Variants in MINDY4 observed in about 807,000 individuals in gnomAD.
MINDY4 encodes the protein MINDY lysine 48 deubiquitinase 4.
MINDY4 carries 68 observed loss-of-function variants against 87.0 expected under a neutral mutation model. The ratio of observed to expected loss-of-function variants is 0.78; its 90% CI spans 0.64 to 0.96. The LOEUF (loss-of-function observed/expected upper bound fraction) is 0.96. Among genes scored for constraint, MINDY4 ranks in the 40% least tolerant of loss-of-function variants. The probability of loss-of-function intolerance (pLI) is 0.00; values close to 1 mark genes in which losing one functional copy is unlikely to be tolerated. For missense variants in MINDY4, 919 were observed against 928.2 expected, an observed-to-expected ratio of 0.99 and a Z score of 0.13; for synonymous variants, 379 against 363.2, an observed-to-expected ratio of 1.04 and a Z score of -0.50.
chr7:30,771,893 C>T (rs1007981440), intron 1 of MINDY4, among the ~76,000 whole-genome samples: 1 of 152,234 alleles, frequency 6.6e-6, no homozygotes, highest in East Asian at 1.9e-4. Context: ...GCGGGCAGGC[C>T]TGCGCCCTAG....
At chr7:30,861,910 C>T (rs867434931) in intron 13 of MINDY4, among the ~76,000 whole-genome samples, 34 of 152,220 alleles carry the variant, frequency 2.2e-4, no homozygotes, top group Non-Finnish European at 1.9e-4. Context: ...CCAGAGCAAC[C>T]GAGAGCATCT....
At chr7:30,843,619 G>T (rs966625489) in intron 9 of MINDY4, among the ~76,000 whole-genome samples, 1 of 138,606 alleles carries the variant, frequency 7.2e-6, no homozygotes, top group Non-Finnish European at 1.5e-5. Flanking sequence ...ACATCCATGG[G>T]GTGGAAGCCC....
rs1787019398 is a variant in MINDY4, at chr7:30,781,974, T to G, written c.184-3T>G. 4 of 1,607,652 alleles carry G rather than the reference T, an allele frequency of 2.5e-6. No homozygotes were observed. The highest frequency in any genetic ancestry group is 3.4e-6 in the Non-Finnish European group (4 of 1,175,548). ...ATGATTTTTTTTTCTCTCCCAATGA[T>G]AGGCAAAGGAAAATCCTCTAAAAAC... On this transcript the variant is annotated splice_polypyrimidine_tract_variant and splice_region_variant and intron_variant, in intron 2 of 17. Transcript: ENST00000265299.
At chr7:30,792,568 T>A (rs911039730) in intron 5 of MINDY4, among the ~76,000 whole-genome samples, 9 of 152,340 alleles carry the variant, frequency 5.9e-5, no homozygotes, top group Non-Finnish European at 1.0e-4. Context: ...ACTTTCTTCT[T>A]GTGTAAGTTT....
At chr7:30,785,072 TC>T (rs1787118306) in intron 3 of MINDY4, among the ~76,000 whole-genome samples, 1 of 114,202 alleles carries the variant, frequency 8.8e-6, no homozygotes, top group Non-Finnish European at 1.9e-5. Context: ...TCTCTTGCCT[TC>T]TTTTTTTTTT....
At chr7:30,790,594 C>T (rs1787292288) in intron 4 of MINDY4, among the ~76,000 whole-genome samples, 1 of 152,068 alleles carries the variant, frequency 6.6e-6, no homozygotes, top group Non-Finnish European at 1.5e-5. Flanking sequence ...CAGTCATGCA[C>T]CACCAAGCCT....
chr7:30,809,747 G>A (rs1787926238), intron 5 of MINDY4, among the ~76,000 whole-genome samples: 1 of 150,806 alleles, frequency 6.6e-6, no homozygotes, highest in African/African-American at 2.4e-5. Context: ...CAGACATAAA[G>A]GAAGTTTGCT....
chr7:30,862,594 G>T (rs536777667), intron 13 of MINDY4, among the ~76,000 whole-genome samples: 2 of 152,206 alleles, frequency 1.3e-5, no homozygotes, highest in Admixed American at 6.5e-5. Context: ...TGCTGCCTCC[G>T]GGGCTAGCCG....
At chr7:30,795,217 C>T (rs898659100) in intron 5 of MINDY4, among the ~76,000 whole-genome samples, 2 of 152,340 alleles carry the variant, frequency 1.3e-5, no homozygotes, top group African/African-American at 4.8e-5. Context: ...ACTCAAAACA[C>T]ACCATGCTGG....
chr7:30,814,509 T>TC (rs1788094075), intron 5 of MINDY4, among the ~76,000 whole-genome samples: 1 of 152,244 alleles, frequency 6.6e-6, no homozygotes, highest in South Asian at 2.1e-4. Context: ...CTCAGTGTCT[T>TC]CATTTGTAAA....
chr7:30,787,560 G>A (rs1414873407), intron 4 of MINDY4, among the ~76,000 whole-genome samples: 1 of 152,220 alleles, frequency 6.6e-6, no homozygotes, highest in African/African-American at 2.4e-5. Context: ...TGCATCATGT[G>A]TGCTTGCTGG....
At chr7:30,879,933 T>C (rs1001604523) in intron 15 of MINDY4, among the ~76,000 whole-genome samples, 10 of 143,952 alleles carry the variant, frequency 6.9e-5, no homozygotes, top group African/African-American at 3.0e-4. Context: ...TCTTACTTAG[T>C]GATACAAAAA....
At chr7:30,867,852 C>A (rs1342946397) in intron 13 of MINDY4, among the ~76,000 whole-genome samples, 5 of 152,162 alleles carry the variant, frequency 3.3e-5, no homozygotes, top group Admixed American at 2.6e-4. Context: ...CTGCCTGCTT[C>A]AGGCTTGGTG....
intron 14 of MINDY4, 25 bp from the exon 15 acceptor site, chr7:30,875,470 T>A: frequency 6.2e-7 from 1 of 1,613,528 alleles, no homozygotes; most frequent in Non-Finnish European, 8.5e-7. Context: ...ACTTGATGAG[T>A]CTTTCCCCTT....
At chr7:30,775,427 G>T (rs1786779743) in intron 1 of MINDY4, among the ~76,000 whole-genome samples, 1 of 152,340 alleles carries the variant, frequency 6.6e-6, no homozygotes, top group East Asian at 1.9e-4. Context: ...AGGGCAAGGT[G>T]TGGGTGGAGG....
At chr7:30,830,087 G>C (rs1170766289) in intron 6 of MINDY4, among the ~76,000 whole-genome samples, 1 of 152,006 alleles carries the variant, frequency 6.6e-6, no homozygotes, top group Non-Finnish European at 1.5e-5. Flanking sequence ...GGGGGTTGGG[G>C]GTTGAGCAGT....
At chr7:30,779,460 T>C (rs1015351202) in intron 2 of MINDY4, 2 of 152,096 alleles carry the variant, frequency 1.3e-5, no homozygotes, top group Non-Finnish European at 2.9e-5. Context: ...AGTGTCAGAG[T>C]CAAAAAGAAA....
intron 13 of MINDY4, among the ~76,000 whole-genome samples, chr7:30,865,846 G>A (rs536830521): frequency 6.6e-6 from 1 of 152,324 alleles, no homozygotes; most frequent in African/African-American, 2.4e-5. Flanking sequence ...AAGACCCTGT[G>A]CCTGCATCGT....
chr7:30,855,520 G>T (rs148605439), intron 12 of MINDY4, among the ~76,000 whole-genome samples: 46 of 152,344 alleles, frequency 3.0e-4, no homozygotes, highest in African/African-American at 1.0e-3. Context: ...GAAGTGACTG[G>T]TGAGGCTTCA....
Sources: gnomAD v4.1 joint callset for allele counts (sites outside exome capture counted in the v4.1 genomes callset) on GRCh38, gnomAD v4.1.1 for gene constraint, MANE v1.5 for transcripts, NCBI Gene and HGNC (gene_info 2026-07-23, HGNC 2026-07-21) for gene names.